Variants in ZMYND10 observed in about 807,000 individuals in gnomAD.
The protein encoded by ZMYND10 is zinc finger MYND domain-containing protein 10.
A neutral mutation model predicts 62.6 loss-of-function variants in ZMYND10; 52 were observed. The observed-to-expected ratio is 0.83, with a 90% CI of 0.67 to 1.05. ZMYND10 has a LOEUF of 1.05. Among genes scored for constraint, ZMYND10 ranks in the 50% least tolerant of loss-of-function variants. ZMYND10 has a pLI of 0.00. For synonymous variants in ZMYND10, 197 were observed against 218.5 expected (o/e 0.90, Z 0.87); for missense variants, 438 against 543.3 (o/e 0.81, Z 1.93).
In ZMYND10 at chr3:50,342,957, C is replaced by T; in HGVS notation, c.661G>A (p.Glu221Lys). The T allele has an allele frequency of 6.2e-7, 1 of 1,614,112 alleles. No individual in the cohort carries two copies. The highest frequency in any genetic ancestry group is 8.5e-7 in the Non-Finnish European group (1 of 1,179,986). Residue 221 changes from glutamate to lysine, a missense_variant, in exon 7 of 12, where the codon GAA becomes AAA. Transcript: ENST00000231749. ...STHNLPCLLV[E>K]LLEHSPWSRR... is the part of the protein sequence containing the mutation. ...CTCCAGGGACTATGCTCCAGCAGTT[C>T]CACCAGGAGGCAGGGCAGGTTGTGT... is the stretch of plus-strand genomic sequence containing the variant.
chr3:50,341,948 G>A lies in ZMYND10; in HGVS notation c.1000-17C>T. On this transcript the variant is annotated splice_polypyrimidine_tract_variant and intron_variant, in intron 9 of 11. Transcript: ENST00000231749. ...TTCTGGGATCTAGGAGAGAGAAGTG[G>A]AGAGTGGCAGGAAGGTGCTGGTAAA... 1 of 1,614,236 alleles carries A rather than the reference G, an allele frequency of 6.2e-7. No individual in the cohort carries two copies. The highest frequency in any genetic ancestry group is 1.1e-5 in the South Asian group (1 of 91,088).
Position 50,345,093 on chromosome 3 carries a change from G to A in ZMYND10, c.201+31C>T. ...GTAGAGTAGGTGAGGTATGGGGGAA[G>A]GCAGGAACCCTGCCTGTGACCTCGG... On this transcript the variant is annotated intron_variant, in intron 2 of 11. Transcript: ENST00000231749. This position sits in a 1 kb window ranked among gnomAD's most constrained non-coding sequence, Gnocchi z 5.0. 1 of 1,602,902 alleles carries A rather than the reference G, an allele frequency of 6.2e-7. No homozygotes were observed. Among genetic ancestry groups the A allele is most frequent in the Non-Finnish European group, 8.5e-7 (1 of 1,172,390 alleles).
rs1575553567 is a variant in ZMYND10, at chr3:50,342,257, G to T, written c.874-117C>A. ...GTGGGGGCCCATGTCCCACTAGCTG[G>T]TGTGTCACCTGAGGCCCAAGGACTG... is the stretch of plus-strand genomic sequence containing the variant. On this transcript the variant is annotated intron_variant, in intron 8 of 11. Transcript: ENST00000231749. The T allele has an allele frequency of 1.2e-5, 19 of 1,576,946 alleles. No individual in the cohort carries two copies. In the East Asian group the frequency reaches 4.3e-4, roughly 36 times the overall value.
chr3:50,342,853 C>G, intron 7 of ZMYND10, 65 bp downstream of exon 7: 1 of 1,571,136 alleles, frequency 6.4e-7, no homozygotes. Flanking sequence ...CAAGCTGCCC[C>G]CCTCTATCAA....
chr3:50,342,739 A>G (rs1480238204), intron 7 of ZMYND10, 170 bp from the exon 8 acceptor site: 1 of 1,467,130 alleles, frequency 6.8e-7, no homozygotes, highest in East Asian at 2.5e-5. Context: ...TCAGTAGTGG[A>G]CACATGGGCC....
chr3:50,345,407 C>A lies in ZMYND10; in HGVS notation c.92+81G>T. 6.5e-7 allele frequency: 1 copy of A among 1,536,140 alleles called. No homozygotes were observed. The highest frequency in any genetic ancestry group is 1.2e-5 in the South Asian group (1 of 82,862). On this transcript the variant is annotated intron_variant, in intron 1 of 11. Transcript: ENST00000231749. The surrounding 1 kb of genome is among the most constrained non-coding windows in gnomAD (Gnocchi z 5.0). ...CATTTGGGAGCCCCTCCACACTGGG[C>A]AGCCCCTCCCCCGAGTCAGGCCCCA...
In ZMYND10 at chr3:50,341,333, C is replaced by A. The variant is rs770212706; in HGVS notation, c.*77G>T. 180 of 1,564,664 alleles carry A rather than the reference C, an allele frequency of 1.2e-4. No individual in the cohort carries two copies. The highest frequency in any genetic ancestry group is 1.5e-4 in the Non-Finnish European group (175 of 1,144,970). Reference sequence around the variant, plus strand: ...ACTGGGGCTCCGGCAGAGGCTGGACCGTGATCTTGAGGTTCAGGGGTGCAT... The same window carrying A: ...ACTGGGGCTCCGGCAGAGGCTGGACAGTGATCTTGAGGTTCAGGGGTGCAT... On this transcript the variant is annotated 3_prime_UTR_variant, in exon 12 of 12. Coordinates refer to ENST00000231749, the MANE Select transcript of ZMYND10 (RefSeq NM_015896.4).
Position 50,342,407 on chromosome 3 carries a change from C to T in ZMYND10, c.863G>A (p.Arg288Gln), listed in dbSNP as rs767713937. Residue 288 changes from arginine (R) to glutamine (Q), a missense_variant, in exon 8 of 12, where the codon CGG becomes CAG. Arg to Gln is a conservative substitution (Grantham distance 43). Transcript: ENST00000231749. The stretch of plus-strand genomic sequence containing the variant: ...CGGAGGGAGTCTGACCTTGAGTAGC[C>T]GTCCCTTGGCAAAACTTGTGAGGCA... ...RYCLTSFAKG[R>Q]LLKLRAFLTD... 10 of 1,580,622 alleles carry T rather than the reference C, an allele frequency of 6.3e-6. No homozygotes were observed. The highest frequency in any genetic ancestry group is 3.4e-4 in the Middle Eastern group (2 of 5,894).
rs1056223576 is a variant in ZMYND10 at position 50,343,343 on chromosome 3, A to AG, written c.473dup (p.Glu159Ter). 1 of 1,612,296 alleles carries AG rather than the reference A, an allele frequency of 6.2e-7. No individual in the cohort carries two copies. ...TGCTGTCCTGGGATCCCTCCCCCTC[A>AG]GGGGGGCCACCACAGCCACTCTGGG... On this transcript the variant is annotated frameshift_variant, in exon 5 of 12. Transcript: ENST00000231749. LOFTEE classifies it high-confidence loss of function.
Position 50,345,365 on chromosome 3 carries a change from G to A in ZMYND10, c.92+123C>T, listed in dbSNP as rs587642714. 3.6e-5 allele frequency: 54 copies of A among 1,498,232 alleles called. No homozygotes were observed. Among genetic ancestry groups the A allele is most frequent in the Non-Finnish European group, 4.8e-5 (53 of 1,107,768 alleles). The allele number at this position is 1,498,232 out of a possible 1,614,324, so 92.8% of individuals were successfully genotyped here. On this transcript the variant is annotated intron_variant, in intron 1 of 11. Coordinates refer to ENST00000231749, the MANE Select transcript of ZMYND10 (RefSeq NM_015896.4). The surrounding 1 kb of genome is among the most constrained non-coding windows in gnomAD (Gnocchi z 5.0). The stretch of plus-strand genomic sequence containing the variant: ...TCAGGAGCAGTAATACTCCTGTCTC[G>A]GAACGCTCTGCTCCCCCATTTGGGA...
Position 50,341,213 on chromosome 3 carries a change from C to A in ZMYND10, c.*197G>T, listed in dbSNP as rs1267071314. ...TGAAGCAACACACTTGGCCTACCCA[C>A]TGGGTGGGGCAGGAAGTCTCGAGCC... On this transcript the variant is annotated 3_prime_UTR_variant, in exon 12 of 12. Transcript: ENST00000231749. The A allele has an allele frequency of 7.1e-6, 5 of 708,592 alleles. No homozygotes were observed. The highest frequency in any genetic ancestry group is 1.2e-5 in the Non-Finnish European group (5 of 432,174). The allele number at this position is 708,592 out of a possible 1,614,324, so 43.9% of individuals were successfully genotyped here. A position where few individuals can be genotyped will look rare whatever the true frequency, so the allele number is the denominator to read the frequency against.
rs755737121 is a variant in ZMYND10, at chr3:50,341,561, A to G, written c.1247+13T>C. The G allele has an allele frequency of 2.5e-6, 4 of 1,614,058 alleles. No homozygotes were observed. In the African/African-American group the frequency reaches 5.3e-5, roughly 22 times the overall value. ...GTAGGGCTTAGAGGTCCAAGGTTCTAGGATACCCTCACCTGCAGCAATACC... is the reference window on the plus strand; with the variant it reads ...GTAGGGCTTAGAGGTCCAAGGTTCTGGGATACCCTCACCTGCAGCAATACC... On this transcript the variant is annotated intron_variant, in intron 11 of 11. Transcript: ENST00000231749.
At chr3:50,343,239 C>A in intron 5 of ZMYND10, 33 bp from the exon 6 acceptor site, 8 of 1,614,038 alleles carry the variant, frequency 5.0e-6, no homozygotes, top group Non-Finnish European at 6.8e-6. Flanking sequence ...CGCTGGGCCA[C>A]CCTCACCTGC....
chr3:50,342,405 G>A lies in ZMYND10; in HGVS notation c.865C>T (p.Leu289=), dbSNP rs1432997994. The part of the protein sequence containing the change: ...YCLTSFAKGR[L]LKLRAFLTDT... ...TGCGGAGGGAGTCTGACCTTGAGTAGCCGTCCCTTGGCAAAACTTGTGAGG... is the reference window on the plus strand; with the variant it reads ...TGCGGAGGGAGTCTGACCTTGAGTAACCGTCCCTTGGCAAAACTTGTGAGG... Residue 289 remains leucine, a synonymous_variant, in exon 8 of 12, where the codon CTA becomes TTA. Transcript: ENST00000231749. 6.3e-7 allele frequency: 1 copy of A among 1,578,864 alleles called. No individual in the cohort carries two copies. The highest frequency in any genetic ancestry group is 8.6e-7 in the Non-Finnish European group (1 of 1,161,378).
In ZMYND10 at chr3:50,342,996, G is replaced by A. The variant is rs769848204; in HGVS notation, c.622C>T (p.Arg208Cys). 61 of 1,614,014 alleles carry A rather than the reference G, an allele frequency of 3.8e-5. No homozygotes were observed. The highest frequency in any genetic ancestry group is 4.6e-5 in the Non-Finnish European group (54 of 1,180,000). The change falls in exon 7 of 12, where the codon CGT becomes TGT. Residue 208 changes from arginine (R) to cysteine (C), a missense_variant. By Grantham distance (180) the Arg-to-Cys change is radical (BLOSUM62 -3). Coordinates refer to ENST00000231749, the MANE Select transcript of ZMYND10 (RefSeq NM_015896.4). ...GGCAGGTTGTGTGTGCTAAGCATAC[G>A]GCTCAAGGTGCTGAGAGAGAGGCTA... is the stretch of plus-strand genomic sequence containing the variant. Reference protein sequence around the residue: ...VDSLSLSTLSRMLSTHNLPCL... With the variant: ...VDSLSLSTLSCMLSTHNLPCL...
Position 50,345,428 on chromosome 3 carries a change from C to T in ZMYND10, c.92+60G>A. 1 of 1,547,404 alleles carries T rather than the reference C, an allele frequency of 6.5e-7. No individual in the cohort carries two copies. Among genetic ancestry groups the T allele is most frequent in the Non-Finnish European group, 8.7e-7 (1 of 1,143,860 alleles). On this transcript the variant is annotated intron_variant, in intron 1 of 11. Coordinates refer to ENST00000231749, the MANE Select transcript of ZMYND10 (RefSeq NM_015896.4). The surrounding 1 kb of genome is among the most constrained non-coding windows in gnomAD (Gnocchi z 5.0). ...TGGGCAGCCCCTCCCCCGAGTCAGG[C>T]CCCAGCTCCCCGACTCAAGGACAAT...
chr3:50,342,683 G>A (rs1703423916), intron 7 of ZMYND10, 114 bp from the exon 8 acceptor site: 1 of 1,493,486 alleles, frequency 6.7e-7, no homozygotes, highest in Non-Finnish European at 8.9e-7. Context: ...TGGGCTGCAG[G>A]ACTTGCCCAG....
In ZMYND10 at chr3:50,343,761, G is replaced by A; in HGVS notation, c.291C>T (p.Pro97=). 2 of 1,614,150 alleles carry A rather than the reference G, an allele frequency of 1.2e-6. No individual in the cohort carries two copies. Among genetic ancestry groups the A allele is most frequent in the South Asian group, 2.2e-5 (2 of 91,080 alleles). ...CCATGTAGATGGGGAAGGTGTTCTGGGGCTTGAAGTCCTCCACCCTGCAGA... is the reference window on the plus strand; with the variant it reads ...CCATGTAGATGGGGAAGGTGTTCTGAGGCTTGAAGTCCTCCACCCTGCAGA... ...PVFCRVEDFK[P]QNTFPIYMVV... Residue 97 remains proline, a synonymous_variant, in exon 3 of 12, where the codon CCC becomes CCT. Coordinates refer to ENST00000231749, the MANE Select transcript of ZMYND10 (RefSeq NM_015896.4).
chr3:50,343,230 G>T, intron 5 of ZMYND10, 24 bp from the exon 6 acceptor site: 1 of 1,613,946 alleles, frequency 6.2e-7, no homozygotes, highest in Non-Finnish European at 8.5e-7. Context: ...CAGTGTTCAC[G>T]CTGGGCCACC....
Sources: gnomAD v4.1 joint callset for allele counts on GRCh38, gnomAD v4.1.1 for gene constraint, Gnocchi (gnomAD v3.1) non-coding constraint, MANE v1.5 for transcripts, NCBI Gene and HGNC (gene_info 2026-07-23, HGNC 2026-07-21) for gene names.